Variants in TMC7 observed in about 807,000 individuals in gnomAD.
TMC7 encodes transmembrane channel like 7, also known as transmembrane channel-like protein 7.
Under a neutral mutation model 82.9 loss-of-function variants are expected in TMC7, and 54 were observed. That is an observed-to-expected ratio of 0.65 (90% CI 0.52 to 0.82). The LOEUF (loss-of-function observed/expected upper bound fraction) is 0.82, where lower values mean the gene tolerates loss of function less well. TMC7 is among the 40% of genes least tolerant of loss of function. The pLI is 0.00. For missense variants in TMC7, 820 were observed against 901.2 expected, an observed-to-expected ratio of 0.91 and a Z score of 1.15; for synonymous variants, 350 against 337.9, an observed-to-expected ratio of 1.04 and a Z score of -0.39.
intron 5 of TMC7, among the ~76,000 whole-genome samples, chr16:19,027,061 C>CTTTTTT (rs35769515): frequency 5.3e-5 from 3 of 56,566 alleles, no homozygotes; most frequent in African/African-American, 1.5e-4. Context: ...CACACCTGAC[C>CTTTTTT]TTTTTTTTTT....
At chr16:19,035,913 G>T in intron 7 of TMC7, 90 bp downstream of exon 7, 1 of 1,451,894 alleles carries the variant, frequency 6.9e-7, no homozygotes, top group South Asian at 1.4e-5. Flanking sequence ...GAGGATCAAG[G>T]GTCGGGGACA....
At chr16:19,041,909 G>C (rs1156266125) in intron 9 of TMC7, among the ~76,000 whole-genome samples, 1 of 152,040 alleles carries the variant, frequency 6.6e-6, no homozygotes, top group Non-Finnish European at 1.5e-5. Flanking sequence ...GAAGAAACTG[G>C]ATCATTTTCC....
chr16:19,063,670 ATT>A lies in TMC7; in HGVS notation c.*1829_*1830del, dbSNP rs1040516566. Reference sequence around the variant, plus strand: ...AGACTTGATGATATTCAAGTTTTCTATTTGTGTGTGTGTGTGTGTGTGTGTGT... The same window carrying A: ...AGACTTGATGATATTCAAGTTTTCTATGTGTGTGTGTGTGTGTGTGTGTGT... On this transcript the variant is annotated 3_prime_UTR_variant, in exon 16 of 16. Coordinates refer to ENST00000304381, the MANE Select transcript of TMC7 (RefSeq NM_024847.4). The A allele has an allele frequency of 1.2e-4, 13 of 112,310 alleles. No homozygotes were observed. Among genetic ancestry groups the A allele is most frequent in the African/African-American group, 3.6e-4 (13 of 36,130 alleles). 7.0% of individuals were successfully genotyped at this position (112,310 alleles called of 1,614,324 possible). A position where few individuals can be genotyped will look rare whatever the true frequency, so the allele number is the denominator to read the frequency against.
intron 5 of TMC7, among the ~76,000 whole-genome samples, chr16:19,028,114 T>C (rs1960320527): frequency 6.6e-6 from 1 of 152,206 alleles, no homozygotes; most frequent in Non-Finnish European, 1.5e-5. Context: ...TTATAAACAA[T>C]GCTGTAGGGA....
At chr16:19,027,204 G>C (rs191260992) in intron 5 of TMC7, among the ~76,000 whole-genome samples, 1 of 150,258 alleles carries the variant, frequency 6.7e-6, no homozygotes. Context: ...CAAGTAGCTG[G>C]ATTACAGGTG....
chr16:18,998,938 A>G (rs1232458793), intron 1 of TMC7, among the ~76,000 whole-genome samples: 1 of 152,152 alleles, frequency 6.6e-6, no homozygotes, highest in Non-Finnish European at 1.5e-5. Context: ...TTCTCCTGAC[A>G]CTACTGTTAC....
chr16:19,002,259 G>C, intron 1 of TMC7, among the ~76,000 whole-genome samples: 1 of 138,386 alleles, frequency 7.2e-6, no homozygotes, highest in Non-Finnish European at 1.6e-5. Context: ...TTTTTAAGAT[G>C]GAGTTTTGCT....
At chr16:19,048,108 C>A (rs1248944788) in intron 12 of TMC7, among the ~76,000 whole-genome samples, 1 of 150,226 alleles carries the variant, frequency 6.7e-6, no homozygotes, top group Non-Finnish European at 1.5e-5. Flanking sequence ...GGAGCCAATG[C>A]ATTTTTTTTA....
At chr16:18,989,575 G>A (rs12932089) in intron 1 of TMC7, among the ~76,000 whole-genome samples, 18,941 of 113,276 alleles carry the variant, frequency 0.17, 2,020 homozygotes, top group Non-Finnish European at 0.21. Flanking sequence ...GGAGGAGGAA[G>A]GGAAGAAAAT....
At chr16:19,023,604 G>A (rs1412340718) in intron 5 of TMC7, among the ~76,000 whole-genome samples, 4 of 152,134 alleles carry the variant, frequency 2.6e-5, no homozygotes, top group African/African-American at 9.6e-5. Flanking sequence ...GTGCCACCAC[G>A]CCCAGCTAAT....
Position 18,984,131 on chromosome 16 carries a change from G to A in TMC7, c.67+1G>A. ...AGCCGGCAGCCGGCGGTCCATCCAG[G>A]TAGGGCGGCAGGGAGCGCGCGCGGG... On this transcript the variant is annotated splice_donor_variant, in intron 1 of 15. Transcript: ENST00000304381. LOFTEE classifies it high-confidence loss of function. 6.7e-7 allele frequency: 1 copy of A among 1,499,276 alleles called. No individual in the cohort carries two copies. Among genetic ancestry groups the A allele is most frequent in the Admixed American group, 2.1e-5 (1 of 46,912 alleles). The allele number at this position is 1,499,276 out of a possible 1,614,324, so 92.9% of individuals were successfully genotyped here. A position where few individuals can be genotyped will look rare whatever the true frequency, so the allele number is the denominator to read the frequency against.
intron 6 of TMC7, among the ~76,000 whole-genome samples, chr16:19,030,596 C>G (rs905484405): frequency 2.9e-5 from 4 of 135,812 alleles, no homozygotes; most frequent in African/African-American, 5.6e-5. Flanking sequence ...TTTTTTTTTT[C>G]CAGACAGAGT....
chr16:19,006,720 G>A (rs1238472224), intron 1 of TMC7, among the ~76,000 whole-genome samples: 1 of 152,244 alleles, frequency 6.6e-6, no homozygotes, highest in Non-Finnish European at 1.5e-5. Flanking sequence ...GAGCCCGCTT[G>A]CACTGCTGCC....
chr16:19,006,324 A>G (rs1333637947), intron 1 of TMC7, among the ~76,000 whole-genome samples: 2 of 151,990 alleles, frequency 1.3e-5, no homozygotes, highest in African/African-American at 2.4e-5. Flanking sequence ...AGCTGGGATT[A>G]CAGGCACGCG....
At position 19,009,388 on chromosome 16, in the gene TMC7, T is replaced by C. The variant is rs146574197; in HGVS notation, c.284T>C (p.Leu95Pro). The C allele has an allele frequency of 8.1e-6, 13 of 1,613,924 alleles. No individual in the cohort carries two copies. Among genetic ancestry groups the C allele is most frequent in the African/African-American group, 1.3e-5 (1 of 74,920 alleles). Reference protein sequence around the residue: ...LSSHSLRNYALNISEKRRLRD... With the variant: ...LSSHSLRNYAPNISEKRRLRD... ...AGCCATTCTCTTCGAAATTATGCAC[T>C]GAACATCTCTGAGAAGCGGAGACTA... Residue 95 changes from leucine to proline, a missense_variant, in exon 2 of 16, where the codon CTG becomes CCG. Coordinates refer to ENST00000304381, the MANE Select transcript of TMC7 (RefSeq NM_024847.4).
In TMC7 at chr16:19,040,512, T is replaced by C. The variant is rs1469509105; in HGVS notation, c.1337+66T>C. 3.5e-5 allele frequency: 51 copies of C among 1,441,728 alleles called. No individual in the cohort carries two copies. In the East Asian group the frequency reaches 1.2e-3, roughly 33 times the overall value. The allele number at this position is 1,441,728 out of a possible 1,614,324, so 89.3% of individuals were successfully genotyped here. On this transcript the variant is annotated intron_variant, in intron 9 of 15. Coordinates refer to ENST00000304381, the MANE Select transcript of TMC7 (RefSeq NM_024847.4). ...CACTACCTGCCCACTCTCTTGCCCA[T>C]GGCAGACATCGCTAATCAATTGTAG...
intron 2 of TMC7, among the ~76,000 whole-genome samples, chr16:19,013,851 CTTTTTTTTT>C (rs35402613): frequency 1.1e-5 from 1 of 87,098 alleles, no homozygotes; most frequent in Non-Finnish European, 2.0e-5. Flanking sequence ...AGCACTCTTG[CTTTTTTTTT>C]TTTTTTTTTT....
chr16:19,011,057 G>C (rs1241043600), intron 2 of TMC7, among the ~76,000 whole-genome samples: 1 of 152,200 alleles, frequency 6.6e-6, no homozygotes, highest in Non-Finnish European at 1.5e-5. Context: ...TGGCCACGAG[G>C]CATTCACACA....
chr16:19,040,557 A>G, intron 9 of TMC7, 111 bp downstream of exon 9: 1 of 981,200 alleles, frequency 1.0e-6, no homozygotes, highest in Non-Finnish European at 1.5e-6. Flanking sequence ...CTGCTGAGCC[A>G]AGAGTCCTCC....
Sources: gnomAD v4.1 joint callset for allele counts (sites outside exome capture counted in the v4.1 genomes callset) on GRCh38, gnomAD v4.1.1 for gene constraint, MANE v1.5 for transcripts, NCBI Gene and HGNC (gene_info 2026-07-23, HGNC 2026-07-21) for gene names.